Variants in MPP3 observed in about 807,000 individuals in gnomAD.
MPP3 encodes MAGUK p55 subfamily member 3.
A neutral mutation model predicts 80.7 loss-of-function variants in MPP3; 48 were observed. That is an observed-to-expected ratio of 0.59 (90% CI 0.47 to 0.76). MPP3 has a LOEUF of 0.76. Ranked by LOEUF, MPP3 falls within the 30% of genes least tolerant of loss-of-function variation. The pLI, the probability that MPP3 is intolerant of heterozygous loss-of-function variation, is 0.00. For missense variants in MPP3, 620 were observed against 763.0 expected (o/e 0.81, Z 2.21); for synonymous variants, 311 against 297.6 (o/e 1.04, Z -0.46).
intron 19 of MPP3, among the ~76,000 whole-genome samples, chr17:43,802,701 A>G (rs2044460434): frequency 6.6e-6 from 1 of 152,192 alleles, no homozygotes; most frequent in Non-Finnish European, 1.5e-5. Flanking sequence ...GCCCATTCTA[A>G]GTAAAATTAC....
At chr17:43,819,842 T>G (rs1433147328) in intron 11 of MPP3, among the ~76,000 whole-genome samples, 3 of 151,978 alleles carry the variant, frequency 2.0e-5, no homozygotes, top group Non-Finnish European at 4.4e-5. Flanking sequence ...AACACTCACA[T>G]AAAAAGCACA....
At chr17:43,824,481 T>A (rs1371471135) in intron 9 of MPP3, among the ~76,000 whole-genome samples, 2 of 152,142 alleles carry the variant, frequency 1.3e-5, no homozygotes, top group African/African-American at 2.4e-5. Context: ...CCTCTTTGCT[T>A]CCATCTCCCC....
intron 19 of MPP3, among the ~76,000 whole-genome samples, chr17:43,805,998 A>C (rs533373475): frequency 1.3e-5 from 2 of 152,362 alleles, no homozygotes; most frequent in East Asian, 3.9e-4. Context: ...AAAACAAAAC[A>C]AAATTTAGTC....
intron 19 of MPP3, among the ~76,000 whole-genome samples, chr17:43,807,128 C>T (rs1885085171): frequency 6.6e-6 from 1 of 151,686 alleles, no homozygotes; most frequent in African/African-American, 2.4e-5. Context: ...TGCACCACCA[C>T]ACCTGGCTAA....
intron 14 of MPP3, 161 bp from the exon 15 acceptor site, chr17:43,814,522 C>T (rs952429570): frequency 4.7e-6 from 3 of 632,984 alleles, no homozygotes; most frequent in Non-Finnish European, 7.7e-6. Context: ...TCAGGAAATA[C>T]AATAATAAGA....
At chr17:43,820,464 C>T (rs903429367) in intron 11 of MPP3, among the ~76,000 whole-genome samples, 10 of 151,518 alleles carry the variant, frequency 6.6e-5, no homozygotes, top group Non-Finnish European at 1.3e-4. Flanking sequence ...TGGTGGTGCA[C>T]GCCTGTAATC....
chr17:43,803,617 A>G (rs2044503079), intron 19 of MPP3, among the ~76,000 whole-genome samples: 1 of 152,224 alleles, frequency 6.6e-6, no homozygotes, highest in South Asian at 2.1e-4. Context: ...CTCAGGTGCC[A>G]GACAATGGAC....
chr17:43,826,408 A>C (rs2045697771), intron 8 of MPP3, among the ~76,000 whole-genome samples: 3 of 152,350 alleles, frequency 2.0e-5, no homozygotes, highest in South Asian at 2.1e-4. Flanking sequence ...AAAAGTGCAG[A>C]ATCTTCGGCC....
intron 10 of MPP3, among the ~76,000 whole-genome samples, chr17:43,823,076 G>A (rs543401872): frequency 6.6e-6 from 1 of 152,264 alleles, no homozygotes; most frequent in South Asian, 2.1e-4. Context: ...CAGATTGGCT[G>A]TCTTCCCTTT....
At chr17:43,828,761 G>C (rs1043052402) in intron 7 of MPP3, among the ~76,000 whole-genome samples, 3 of 152,332 alleles carry the variant, frequency 2.0e-5, no homozygotes, top group African/African-American at 7.2e-5. Context: ...AAGAACCTCA[G>C]GACTTCTAGC....
In MPP3 at chr17:43,810,932, G is replaced by A; in HGVS notation, c.1350-17C>T. ...TCCAGGAACCTAAAACACCACCAAA[G>A]GGGAAAAGGCCTTTAGTTCCTCAGC... On this transcript the variant is annotated splice_polypyrimidine_tract_variant and intron_variant, in intron 17 of 19. Transcript: ENST00000398389. 1.9e-6 allele frequency: 3 copies of A among 1,573,656 alleles called. No homozygotes were observed. The highest frequency in any genetic ancestry group is 2.6e-6 in the Non-Finnish European group (3 of 1,155,164).
At chr17:43,828,531 C>T (rs984293196) in intron 7 of MPP3, among the ~76,000 whole-genome samples, 3 of 152,204 alleles carry the variant, frequency 2.0e-5, no homozygotes, top group Non-Finnish European at 4.4e-5. Context: ...TTATCCTCTC[C>T]AAGCCTGTTT....
intron 5 of MPP3, among the ~76,000 whole-genome samples, chr17:43,830,339 T>C (rs576724077): frequency 1.3e-5 from 2 of 152,338 alleles, no homozygotes; most frequent in African/African-American, 4.8e-5. Flanking sequence ...TTCTGCTTTA[T>C]GTGGATCTTC....
At chr17:43,832,338 C>T (rs1355350041) in intron 2 of MPP3, 4 of 239,448 alleles carry the variant, frequency 1.7e-5, no homozygotes, top group African/African-American at 9.4e-5. Flanking sequence ...GTCAGCTGTC[C>T]TCCGCAGCGC....
rs539242533 is a variant in MPP3 at position 43,832,616 on chromosome 17, GAGA to G, written c.-38+142_-38+144del. The G allele has an allele frequency of 3.1e-3, 473 of 152,752 alleles. 1 individual carries two copies. The highest frequency in any genetic ancestry group is 6.3e-3 in the African/African-American group (260 of 41,582). The allele number at this position is 152,752 out of a possible 1,614,324, so 9.5% of individuals were successfully genotyped here. ...CTCAAAAAGTCCTCCTTAGGAAGAG[GAGA>G]AGGAGAGTCATGACTGATTCATTCC... On this transcript the variant is annotated intron_variant, in intron 2 of 19. Transcript: ENST00000398389.
chr17:43,813,664 C>T (rs551080183), intron 16 of MPP3, among the ~76,000 whole-genome samples: 16 of 152,280 alleles, frequency 1.1e-4, no homozygotes, highest in African/African-American at 2.6e-4. Flanking sequence ...GCAGCGGCCA[C>T]AGGAGTCAAA....
At chr17:43,804,419 G>C (rs1488899064) in intron 19 of MPP3, among the ~76,000 whole-genome samples, 2 of 152,148 alleles carry the variant, frequency 1.3e-5, no homozygotes, top group African/African-American at 4.8e-5. Flanking sequence ...TTCTAGACAA[G>C]GGTGTTAAAA....
intron 8 of MPP3, among the ~76,000 whole-genome samples, chr17:43,827,178 G>C (rs1244876991): frequency 6.6e-6 from 1 of 152,004 alleles, no homozygotes; most frequent in African/African-American, 2.4e-5. Flanking sequence ...CACCAAGCCT[G>C]GCTAATTTTG....
intron 14 of MPP3, 128 bp from the exon 15 acceptor site, chr17:43,814,489 C>T: frequency 1.2e-6 from 1 of 836,056 alleles, no homozygotes; most frequent in Non-Finnish European, 1.8e-6. Context: ...TCCCAACCTC[C>T]TCCTGCTACT....
Sources: gnomAD v4.1 joint callset for allele counts (sites outside exome capture counted in the v4.1 genomes callset) on GRCh38, gnomAD v4.1.1 for gene constraint, MANE v1.5 for transcripts, NCBI Gene and HGNC (gene_info 2026-07-23, HGNC 2026-07-21) for gene names.